Variants in ANKRD45 observed in about 807,000 individuals in gnomAD.
ANKRD45 encodes the protein ankyrin repeat domain 45.
ANKRD45 carries 21 observed loss-of-function variants against 28.1 expected under a neutral mutation model. That is an observed-to-expected ratio of 0.75 (90% confidence interval 0.53 to 1.08). ANKRD45 has a LOEUF of 1.08. Ranked by LOEUF, ANKRD45 falls within the 50% of genes least tolerant of loss-of-function variation. The pLI, the probability that ANKRD45 is intolerant of heterozygous loss-of-function variation, is 0.00. For synonymous variants in ANKRD45, 86 were observed against 103.9 expected, an observed-to-expected ratio of 0.83 and a Z score of 1.05; for missense variants, 261 against 308.7, an observed-to-expected ratio of 0.85 and a Z score of 1.16.
chr1:173,696,682 G>C, the ANKRD45 span, among the ~76,000 whole-genome samples: 1 of 152,154 alleles, frequency 6.6e-6, no homozygotes, highest in Non-Finnish European at 1.5e-5. Flanking sequence ...TAGCCTTGTA[G>C]TATAGTTTGA....
At chr1:173,637,327 T>C (rs1192880900) in intron 3 of ANKRD45, among the ~76,000 whole-genome samples, 1 of 152,202 alleles carries the variant, frequency 6.6e-6, no homozygotes, top group Admixed American at 6.5e-5. Flanking sequence ...GTAACCTCTC[T>C]TAGAAGCAAA....
rs775112392 is a variant in ANKRD45, at chr1:173,659,271, C to A, written c.148G>T (p.Gly50Cys). 1.2e-6 allele frequency: 2 copies of A among 1,613,912 alleles called. No homozygotes were observed. Among genetic ancestry groups the A allele is most frequent in the Non-Finnish European group, 8.5e-7 (1 of 1,180,006 alleles). ...LQPALTGDVEGLQKIFEDPEN... is the reference protein window; with the variant it reads ...LQPALTGDVECLQKIFEDPEN... ...GGATCCTCAAATATCTTCTGCAAAC[C>A]CTCTACATCCCCTGTGAGAGCAGGT... Residue 50 changes from glycine (G) to cysteine (C), a missense_variant, in exon 2 of 6, where the codon GGT becomes TGT. Coordinates refer to ENST00000333279, the MANE Select transcript of ANKRD45 (RefSeq NM_198493.3).
At chr1:173,625,721 TAA>T (rs143263825) in intron 4 of ANKRD45, among the ~76,000 whole-genome samples, 8,305 of 152,046 alleles carry the variant, frequency 0.055, 726 homozygotes, top group African/African-American at 0.19. Context: ...ATAATATATA[TAA>T]GTGTGATCTC....
intron 1 of ANKRD45, among the ~76,000 whole-genome samples, 174 bp downstream of exon 1, chr1:173,669,643 G>A (rs1018365237): frequency 2.0e-5 from 3 of 152,184 alleles, no homozygotes; most frequent in East Asian, 3.9e-4. Context: ...CTGCCGGCGG[G>A]GTAGGAGACC....
intron 4 of ANKRD45, 95 bp downstream of exon 4, chr1:173,626,970 A>G: frequency 1.3e-6 from 1 of 781,298 alleles, no homozygotes; most frequent in East Asian, 2.5e-5. Context: ...GGAAGTAAGG[A>G]CCACTACCTG....
intron 5 of ANKRD45, among the ~76,000 whole-genome samples, chr1:173,615,536 A>G (rs972017640): frequency 9.2e-5 from 14 of 152,166 alleles, no homozygotes; most frequent in Admixed American, 7.2e-4. Flanking sequence ...GTTGGTTGTG[A>G]GTTCAATGTT....
At chr1:173,684,987 T>A in the ANKRD45 span, among the ~76,000 whole-genome samples, 2 of 152,244 alleles carry the variant, frequency 1.3e-5, no homozygotes, top group African/African-American at 4.8e-5. Flanking sequence ...TGTGGGACTT[T>A]AATTGTGTCT....
chr1:173,671,489 G>A (rs1183796196), upstream of ANKRD45, among the ~76,000 whole-genome samples: 1 of 152,122 alleles, frequency 6.6e-6, no homozygotes, highest in Non-Finnish European at 1.5e-5. Context: ...TCTCCCAAGT[G>A]CTAGCAGGCC....
At chr1:173,710,411 T>C in the ANKRD45 span, among the ~76,000 whole-genome samples, 1 of 152,162 alleles carries the variant, frequency 6.6e-6, no homozygotes, top group Non-Finnish European at 1.5e-5. Context: ...TGAAAACAAG[T>C]GTGAAGTTTG....
the ANKRD45 span, among the ~76,000 whole-genome samples, chr1:173,707,740 A>G: frequency 4.3e-4 from 65 of 152,342 alleles, no homozygotes; most frequent in Non-Finnish European, 7.6e-4. Flanking sequence ...GGTATAAAGA[A>G]CCAGCCTTCT....
rs1412078150 is a variant in ANKRD45, at chr1:173,609,187, G to C, written c.*958C>G. On this transcript the variant is annotated 3_prime_UTR_variant, in exon 6 of 6. Transcript: ENST00000333279. ...AAACTTTGGGAGACATTTAAAACAG[G>C]GTTATCTCAAAACCATGGTTAAATA... 6.6e-6 allele frequency among the ~76,000 whole-genome samples: 1 copy of C among 152,042 alleles called. No individual in the cohort carries two copies. The highest frequency in any genetic ancestry group is 2.4e-5 in the African/African-American group (1 of 41,374).
At chr1:173,623,208 G>A (rs375520173) in intron 5 of ANKRD45, among the ~76,000 whole-genome samples, 1 of 151,838 alleles carries the variant, frequency 6.6e-6, no homozygotes, top group Non-Finnish European at 1.5e-5. Context: ...AGCTACTCAG[G>A]AGGCTGAGGC....
At chr1:173,710,988 G>T in the ANKRD45 span, among the ~76,000 whole-genome samples, 1 of 151,936 alleles carries the variant, frequency 6.6e-6, no homozygotes, top group Admixed American at 6.6e-5. Context: ...CTGGGTAACA[G>T]ATTGAGACCC....
At chr1:173,698,176 T>C in the ANKRD45 span, among the ~76,000 whole-genome samples, 1 of 152,242 alleles carries the variant, frequency 6.6e-6, no homozygotes, top group South Asian at 2.1e-4. Context: ...AGCAAGTCTT[T>C]AGAGACCTAC....
At chr1:173,681,617 C>T in the ANKRD45 span, among the ~76,000 whole-genome samples, 1 of 152,082 alleles carries the variant, frequency 6.6e-6, no homozygotes, top group African/African-American at 2.4e-5. Flanking sequence ...TTCTTGATAA[C>T]CTGTTTCACA....
chr1:173,610,317 C>T lies in ANKRD45; in HGVS notation c.731-102G>A. 3.5e-6 allele frequency: 4 copies of T among 1,140,180 alleles called. No homozygotes were observed. The South Asian group carries it at 5.2e-5, about 15-fold the overall frequency. The allele number at this position is 1,140,180 out of a possible 1,614,324, so 70.6% of individuals were successfully genotyped here. On this transcript the variant is annotated intron_variant, in intron 5 of 5. Coordinates refer to ENST00000333279, the MANE Select transcript of ANKRD45 (RefSeq NM_198493.3). ...ATAAGAATGGAATAAATTAGATTGT[C>T]CCAGGCTGAACCAGCTACTAATTCA...
intron 5 of ANKRD45, chr1:173,612,790 G>C (rs1667229487): frequency 6.4e-6 from 1 of 155,728 alleles, no homozygotes. Flanking sequence ...ACGGGGTTTC[G>C]CTGTGTTGGC....
chr1:173,681,833 C>T, the ANKRD45 span, among the ~76,000 whole-genome samples: 4 of 151,892 alleles, frequency 2.6e-5, no homozygotes, highest in African/African-American at 4.8e-5. Context: ...GGGAGGATCA[C>T]GAGGTCAAGA....
At chr1:173,636,785 T>C (rs1227157790) in intron 3 of ANKRD45, 1 of 1,378,910 alleles carries the variant, frequency 7.3e-7, no homozygotes, top group Admixed American at 2.0e-5. Flanking sequence ...TGAACTCTAC[T>C]GTTTTATGTA....
Sources: gnomAD v4.1 joint callset for allele counts (sites outside exome capture counted in the v4.1 genomes callset) on GRCh38, gnomAD v4.1.1 for gene constraint, MANE v1.5 for transcripts, NCBI Gene and HGNC (gene_info 2026-07-23, HGNC 2026-07-21) for gene names.